Variants in CWC27 observed in about 807,000 individuals in gnomAD.
CWC27 encodes spliceosome-associated protein CWC27 homolog.
CWC27 carries 47 observed loss-of-function variants against 63.6 expected under a neutral mutation model. That is an observed-to-expected ratio of 0.74 (90% CI 0.58 to 0.94). CWC27 has a LOEUF of 0.94. Among genes scored for constraint, CWC27 ranks in the 40% least tolerant of loss-of-function variants. The pLI, the probability that CWC27 is intolerant of heterozygous loss-of-function variation, is 0.00. For synonymous variants in CWC27, 175 were observed against 179.8 expected (o/e 0.97, Z 0.22); for missense variants, 495 against 554.3 (o/e 0.89, Z 1.07).
At chr5:65,006,478 A>G (rs1478683392) in intron 13 of CWC27, among the ~76,000 whole-genome samples, 2 of 152,146 alleles carry the variant, frequency 1.3e-5, no homozygotes, top group African/African-American at 4.8e-5. Context: ...CCAAATATAA[A>G]TTACCTGGCA....
At chr5:64,971,371 G>T (rs112382818) in intron 11 of CWC27, among the ~76,000 whole-genome samples, 107 of 152,274 alleles carry the variant, frequency 7.0e-4, no homozygotes, top group African/African-American at 2.5e-3. Flanking sequence ...ATGTAAAATG[G>T]TATTGCTGAA....
chr5:64,819,294 A>G (rs1745130564), intron 10 of CWC27, among the ~76,000 whole-genome samples: 1 of 152,132 alleles, frequency 6.6e-6, no homozygotes, highest in Non-Finnish European at 1.5e-5. Context: ...TGATGAAGTA[A>G]TATATACAAG....
intron 11 of CWC27, among the ~76,000 whole-genome samples, chr5:64,909,793 T>G (rs1170477485): frequency 6.6e-6 from 1 of 152,206 alleles, no homozygotes; most frequent in Non-Finnish European, 1.5e-5. Context: ...ATTTAAGGTC[T>G]TCTCTGTGCT....
chr5:64,771,911 G>A (rs1233045909), intron 1 of CWC27, among the ~76,000 whole-genome samples: 1 of 152,090 alleles, frequency 6.6e-6, no homozygotes, highest in South Asian at 2.1e-4. Flanking sequence ...TTTTTACTAG[G>A]TGTAAGTTGC....
intron 11 of CWC27, among the ~76,000 whole-genome samples, chr5:64,922,970 T>C (rs115281597): frequency 1.2e-3 from 181 of 152,288 alleles, no homozygotes; most frequent in African/African-American, 4.1e-3. Context: ...CTCTCATCTC[T>C]CAAGGTTAAG....
chr5:64,851,272 A>G (rs1414713748), intron 10 of CWC27, among the ~76,000 whole-genome samples: 1 of 152,194 alleles, frequency 6.6e-6, no homozygotes, highest in East Asian at 1.9e-4. Flanking sequence ...ACTGGAGAAC[A>G]TTATGCTAAG....
intron 10 of CWC27, among the ~76,000 whole-genome samples, chr5:64,818,353 A>T (rs1361510018): frequency 6.6e-6 from 1 of 152,198 alleles, no homozygotes; most frequent in Non-Finnish European, 1.5e-5. Context: ...TGAAAGTTAT[A>T]TAATGACTTC....
intron 13 of CWC27, among the ~76,000 whole-genome samples, chr5:64,989,873 G>T (rs957747501): frequency 6.6e-6 from 1 of 152,034 alleles, no homozygotes; most frequent in Non-Finnish European, 1.5e-5. Flanking sequence ...GTGTGGAGGG[G>T]TACAGAGATC....
intron 11 of CWC27, among the ~76,000 whole-genome samples, chr5:64,942,203 A>G (rs905717797): frequency 6.6e-6 from 1 of 151,758 alleles, no homozygotes; most frequent in Admixed American, 6.6e-5. Flanking sequence ...AGACAGGAGT[A>G]TGCTTGAGGT....
chr5:64,776,661 A>T (rs140311959), intron 2 of CWC27, among the ~76,000 whole-genome samples: 1 of 152,150 alleles, frequency 6.6e-6, no homozygotes, highest in Admixed American at 6.5e-5. Context: ...ACTCCTAAAT[A>T]AGTTAAGTCA....
chr5:64,914,427 A>T (rs1387612305), intron 11 of CWC27, among the ~76,000 whole-genome samples: 1 of 152,158 alleles, frequency 6.6e-6, no homozygotes, highest in Non-Finnish European at 1.5e-5. Context: ...AAGAGTGATT[A>T]TTAATCATAA....
intron 10 of CWC27, among the ~76,000 whole-genome samples, chr5:64,833,825 G>A (rs910760019): frequency 6.6e-6 from 1 of 151,546 alleles, no homozygotes; most frequent in Non-Finnish European, 1.5e-5. Context: ...CATTTATTCA[G>A]AACATATAAG....
At chr5:64,806,593 G>A (rs1744681536) in intron 10 of CWC27, among the ~76,000 whole-genome samples, 1 of 152,142 alleles carries the variant, frequency 6.6e-6, no homozygotes, top group Admixed American at 6.5e-5. Flanking sequence ...AGAAAGTACA[G>A]AATTTCAAAA....
At chr5:65,011,741 T>C (rs983043600) in intron 13 of CWC27, among the ~76,000 whole-genome samples, 1 of 152,204 alleles carries the variant, frequency 6.6e-6, no homozygotes, top group Non-Finnish European at 1.5e-5. Flanking sequence ...CACAAGGTAG[T>C]CCTTAGTAAT....
rs143287532 is a variant in CWC27, at chr5:64,986,732, C to A, written c.1256+9494C>A. Among the ~76,000 whole-genome samples the A allele has an allele frequency of 3.6e-3, 539 of 151,652 alleles. 4 individuals carry two copies. The highest frequency in any genetic ancestry group is 2.8e-3 in the Non-Finnish European group (192 of 67,994). The stretch of plus-strand genomic sequence containing the variant: ...AGGAGTTTCTTACTGTCATGCTAAT[C>A]CACACTCAGCTTCCTGCAGTTCATT... On this transcript the variant is annotated intron_variant, in intron 13 of 13. Transcript: ENST00000381070.
At chr5:64,941,500 GAAATATAAAACATTTATTACAGA>G (rs1476227704) in intron 11 of CWC27, among the ~76,000 whole-genome samples, 3 of 151,360 alleles carry the variant, frequency 2.0e-5, no homozygotes, top group Admixed American at 1.3e-4. Context: ...ATTTATTACA[GAAATATAAAACATTTATTACAGA>G]AAATATAAAA....
intron 11 of CWC27, among the ~76,000 whole-genome samples, chr5:64,948,689 T>A: frequency 6.6e-6 from 1 of 152,022 alleles, no homozygotes; most frequent in East Asian, 1.9e-4. Flanking sequence ...ATAATCATAA[T>A]TTAGCAGTAT....
intron 11 of CWC27, among the ~76,000 whole-genome samples, chr5:64,933,708 G>T (rs1356776925): frequency 6.6e-6 from 1 of 151,982 alleles, no homozygotes; most frequent in African/African-American, 2.4e-5. Flanking sequence ...GGCCAGGCTG[G>T]TCTCAAACTC....
At chr5:64,783,617 CAAA>C (rs1215425943) in intron 3 of CWC27, among the ~76,000 whole-genome samples, 1 of 152,162 alleles carries the variant, frequency 6.6e-6, no homozygotes, top group Non-Finnish European at 1.5e-5. Flanking sequence ...CAGCTTTCTA[CAAA>C]ATAGGGTATA....
Sources: allele counts gnomAD v4.1 joint callset (sites outside exome capture counted in the v4.1 genomes callset), GRCh38; gene constraint gnomAD v4.1.1; transcripts MANE v1.5; gene names NCBI Gene and HGNC (gene_info 2026-07-23, HGNC 2026-07-21).